CDH13: variants seen among roughly 807,000 people sequenced by gnomAD.
CDH13 encodes cadherin-13.
In CDH13, 24 loss-of-function variants were observed where a neutral mutation model predicts 63.8. That is an observed-to-expected ratio of 0.38 (90% CI 0.27 to 0.53). The LOEUF (loss-of-function observed/expected upper bound fraction) is 0.53. Among genes scored for constraint, CDH13 ranks in the 20% least tolerant of loss-of-function variants. CDH13 has a pLI of 0.85. For synonymous variants in CDH13, 503 were observed against 355.3 expected, an observed-to-expected ratio of 1.42 and a Z score of -4.67; for missense variants, 1,049 against 903.1, an observed-to-expected ratio of 1.16 and a Z score of -2.07.
At chr16:83,592,267 C>T (rs747647453) in intron 7 of CDH13, among the ~76,000 whole-genome samples, 2 of 152,188 alleles carry the variant, frequency 1.3e-5, no homozygotes, top group Non-Finnish European at 2.9e-5. Flanking sequence ...ATTCTGACCC[C>T]CTTCATGTAA....
At chr16:83,269,892 C>G (rs1183339336) in intron 5 of CDH13, among the ~76,000 whole-genome samples, 2 of 152,108 alleles carry the variant, frequency 1.3e-5, no homozygotes, top group Admixed American at 6.5e-5. Context: ...CTCAAAGCCC[C>G]TAAAATGCAT....
chr16:83,234,553 A>G (rs2040091489), intron 5 of CDH13, among the ~76,000 whole-genome samples: 1 of 152,186 alleles, frequency 6.6e-6, no homozygotes, highest in Non-Finnish European at 1.5e-5. Context: ...GCTAAACAAC[A>G]ACAGCTAGGC....
chr16:83,631,019 G>T (rs1910732884), intron 8 of CDH13, among the ~76,000 whole-genome samples: 1 of 152,192 alleles, frequency 6.6e-6, no homozygotes, highest in Admixed American at 6.5e-5. Flanking sequence ...TTGTGATGAA[G>T]ATGGCATCCC....
At chr16:83,071,266 C>A (rs2151542555) in intron 3 of CDH13, among the ~76,000 whole-genome samples, 1 of 152,274 alleles carries the variant, frequency 6.6e-6, no homozygotes, top group Admixed American at 6.5e-5. Context: ...GCAAAAGCCT[C>A]CTTCAGCAGC....
intron 1 of CDH13, among the ~76,000 whole-genome samples, chr16:82,718,090 A>G (rs76061898): frequency 0.032 from 4,830 of 152,254 alleles, 99 homozygotes; most frequent in Non-Finnish European, 0.051. Context: ...GGAAACCGGT[A>G]AGGCAGTGGG....
chr16:82,786,574 T>A (rs374656188), intron 1 of CDH13, among the ~76,000 whole-genome samples: 62 of 151,986 alleles, frequency 4.1e-4, no homozygotes, highest in African/African-American at 1.5e-3. Context: ...TTTATGTATG[T>A]ATACATGTGC....
intron 6 of CDH13, among the ~76,000 whole-genome samples, chr16:83,396,130 C>G (rs2091882349): frequency 6.6e-6 from 1 of 152,062 alleles, no homozygotes; most frequent in South Asian, 2.1e-4. Flanking sequence ...GATCTTATTC[C>G]TTTTTATGGC....
At chr16:83,739,009 G>A (rs1285373011) in intron 10 of CDH13, among the ~76,000 whole-genome samples, 2 of 152,150 alleles carry the variant, frequency 1.3e-5, no homozygotes, top group Non-Finnish European at 2.9e-5. Flanking sequence ...CATGGACTAT[G>A]CAAAAAAGAG....
intron 4 of CDH13, among the ~76,000 whole-genome samples, chr16:83,186,803 T>C (rs1260106429): frequency 1.3e-5 from 2 of 152,130 alleles, no homozygotes; most frequent in Non-Finnish European, 2.9e-5. Context: ...AAGCCAACTC[T>C]TTCTCATGTG....
intron 6 of CDH13, among the ~76,000 whole-genome samples, chr16:83,441,628 G>A (rs1281019528): frequency 6.6e-6 from 1 of 152,154 alleles, no homozygotes; most frequent in Non-Finnish European, 1.5e-5. Context: ...GAGAAGCCCA[G>A]CTCCTGCTTT....
chr16:83,256,674 C>CAAAAAAAAA (rs59651612), intron 5 of CDH13, among the ~76,000 whole-genome samples: 29 of 115,412 alleles, frequency 2.5e-4, no homozygotes, highest in Non-Finnish European at 4.2e-4. Context: ...TACTAAAATA[C>CAAAAAAAAA]AAAAAAAAAA....
chr16:83,340,703 C>G (rs758423270), intron 5 of CDH13, among the ~76,000 whole-genome samples: 3 of 152,188 alleles, frequency 2.0e-5, no homozygotes, highest in Admixed American at 6.5e-5. Context: ...GGCTTGGAGA[C>G]TGACCTTTGA....
chr16:83,136,309 C>G (rs190312972), intron 4 of CDH13, among the ~76,000 whole-genome samples: 1 of 151,776 alleles, frequency 6.6e-6, no homozygotes, highest in East Asian at 1.9e-4. Flanking sequence ...TGGTGAAACC[C>G]TGTCTCTACT....
chr16:83,621,477 T>TC, intron 8 of CDH13, among the ~76,000 whole-genome samples: 2 of 75,170 alleles, frequency 2.7e-5, no homozygotes, highest in East Asian at 1.9e-3. Flanking sequence ...TCACCTGCCT[T>TC]TTTTTTTTTT....
chr16:83,182,829 G>GA (rs1368497552), intron 4 of CDH13, among the ~76,000 whole-genome samples: 2 of 152,054 alleles, frequency 1.3e-5, no homozygotes, highest in African/African-American at 4.8e-5. Flanking sequence ...ACGTCATGAG[G>GA]AAAAATGTCT....
intron 4 of CDH13, among the ~76,000 whole-genome samples, chr16:83,169,734 T>G (rs1235755062): frequency 6.6e-6 from 1 of 152,116 alleles, no homozygotes; most frequent in Non-Finnish European, 1.5e-5. Flanking sequence ...GCCAGCTAGT[T>G]ATTTGAATTA....
chr16:83,637,650 G>T (rs1911389708), intron 8 of CDH13, among the ~76,000 whole-genome samples: 1 of 3,454 alleles, frequency 2.9e-4, no homozygotes, highest in Admixed American at 2.3e-3. Context: ...CTCGCTGATT[G>T]CTAGCACAGC....
At chr16:82,788,273 G>A (rs1034073428) in intron 1 of CDH13, among the ~76,000 whole-genome samples, 2 of 152,114 alleles carry the variant, frequency 1.3e-5, no homozygotes, top group Admixed American at 6.5e-5. Context: ...GGGATGGTTG[G>A]GATGGTTCTC....
chr16:83,229,078 G>C (rs1003448203), intron 5 of CDH13, among the ~76,000 whole-genome samples: 3 of 152,120 alleles, frequency 2.0e-5, no homozygotes, highest in Non-Finnish European at 4.4e-5. Context: ...AGGCCATACC[G>C]GGCCTCACAG....
Sources: gnomAD v4.1 joint callset for allele counts (sites outside exome capture counted in the v4.1 genomes callset) on GRCh38, gnomAD v4.1.1 for gene constraint, MANE v1.5 for transcripts, NCBI Gene and HGNC (gene_info 2026-07-23, HGNC 2026-07-21) for gene names.